The following ADGRB1 variants were observed in gnomAD, a reference collection of about 807,000 sequenced individuals.
ADGRB1 encodes the protein brain-specific angiogenesis inhibitor 1.
In ADGRB1, 36 loss-of-function variants were observed where a neutral mutation model predicts 175.7. The observed-to-expected ratio is 0.20, with a 90% CI of 0.16 to 0.27. ADGRB1 has a LOEUF of 0.27. Ranked by LOEUF, ADGRB1 falls within the 10% of genes least tolerant of loss-of-function variation. ADGRB1 has a pLI of 1.00. For missense variants in ADGRB1, 1,731 were observed against 2,255.3 expected, an observed-to-expected ratio of 0.77 and a Z score of 4.71; for synonymous variants, 1,054 against 979.4, an observed-to-expected ratio of 1.08 and a Z score of -1.42.
At position 142,521,984 on chromosome 8, in the gene ADGRB1, C is replaced by T; in HGVS notation, c.3044C>T (p.Ala1015Val). The T allele has an allele frequency of 6.3e-7, 1 of 1,599,836 alleles. No individual in the cohort carries two copies. The highest frequency in any genetic ancestry group is 8.5e-7 in the Non-Finnish European group (1 of 1,174,166). The change falls in exon 21 of 31, where the codon GCC (alanine) becomes GTC (valine). Residue 1015 changes from alanine (A) to valine (V), a missense_variant. This residue lies in a region of ADGRB1 where 301 missense variants were observed against 488.4 expected (regional missense o/e 0.62). Coordinates refer to ENST00000517894, the MANE Select transcript of ADGRB1 (RefSeq NM_001702.3). ...ACACAGGTGGTGTGCACGCTGGTGG[C>T]CGCCTTCCTGCACTTCTTCTTCCTG... is the stretch of plus-strand genomic sequence containing the variant. ...TRNKVVCTLV[A>V]AFLHFFFLSS... is the part of the protein sequence containing the mutation.
At chr8:142,521,055 G>T (rs1186702840) in intron 20 of ADGRB1, 130 bp downstream of exon 20, 20 of 853,082 alleles carry the variant, frequency 2.3e-5, no homozygotes, top group Non-Finnish European at 2.9e-5. Context: ...GGAGGAGGCT[G>T]CCCCAGCTAC....
At chr8:142,456,835 G>A (rs1026804517) in intron 1 of ADGRB1, among the ~76,000 whole-genome samples, 25 of 152,266 alleles carry the variant, frequency 1.6e-4, no homozygotes, top group African/African-American at 4.8e-4. Context: ...CTCGAGCCAG[G>A]AGACCAGCCA....
rs541419523 is a variant in ADGRB1 at position 142,464,123 on chromosome 8, C to T, written c.-76C>T. ...CCACCGGGCCGGCCCTGCCCGCCGC[C>T]GGACCCTGGCATGTCAAGACCTGGT... On this transcript the variant is annotated 5_prime_UTR_variant, in exon 2 of 31. Transcript: ENST00000517894. The T allele has an allele frequency of 8.0e-5, 96 of 1,202,906 alleles. No homozygotes were observed. In the African/African-American group the frequency reaches 1.5e-3, roughly 18 times the overall value. The allele number at this position is 1,202,906 out of a possible 1,614,324, so 74.5% of individuals were successfully genotyped here. A position where few individuals can be genotyped will look rare whatever the true frequency, so the allele number is the denominator to read the frequency against.
intron 17 of ADGRB1, among the ~76,000 whole-genome samples, chr8:142,505,876 G>C (rs1048476566): frequency 6.6e-6 from 1 of 152,212 alleles, no homozygotes; most frequent in Non-Finnish European, 1.5e-5. Flanking sequence ...TCAGATAAAG[G>C]CTGGTGGGAT....
intron 2 of ADGRB1, among the ~76,000 whole-genome samples, chr8:142,467,080 G>A (rs530609519): frequency 4.2e-4 from 64 of 152,330 alleles, no homozygotes; most frequent in African/African-American, 1.3e-3. Flanking sequence ...CATGTGACGC[G>A]TGGAGAGGCT....
intron 19 of ADGRB1, among the ~76,000 whole-genome samples, chr8:142,520,371 G>GGT (rs1843726721): frequency 7.4e-6 from 1 of 135,170 alleles, no homozygotes; most frequent in Non-Finnish European, 1.6e-5. Flanking sequence ...TGGTGGTGAT[G>GGT]GTGGTGGTGG....
chr8:142,510,889 T>A lies in ADGRB1; in HGVS notation c.2676-43T>A. On this transcript the variant is annotated intron_variant, in intron 17 of 30. Transcript: ENST00000517894. The surrounding 1 kb of genome is among the most constrained non-coding windows in gnomAD (Gnocchi z 6.3). The stretch of plus-strand genomic sequence containing the variant: ...GGGGCGCCCGCGTCCCCGCCGCCGC[T>A]GACGCTCCGCCTGTCTCCCTCCCGT... The A allele has an allele frequency of 9.8e-7, 1 of 1,023,512 alleles. No homozygotes were observed. Among genetic ancestry groups the A allele is most frequent in the Non-Finnish European group, 1.2e-6 (1 of 851,594 alleles). The allele number at this position is 1,023,512 out of a possible 1,614,324, so 63.4% of individuals were successfully genotyped here. A position where few individuals can be genotyped will look rare whatever the true frequency, so the allele number is the denominator to read the frequency against.
chr8:142,488,369 A>G lies in ADGRB1; in HGVS notation c.2314A>G (p.Ser772Gly). The G allele has an allele frequency of 6.2e-7, 1 of 1,612,972 alleles. No homozygotes were observed. The highest frequency in any genetic ancestry group is 8.5e-7 in the Non-Finnish European group (1 of 1,179,798). Residue 772 changes from serine to glycine, a missense_variant, in exon 14 of 31, where the codon AGC becomes GGC. This residue lies in a region of ADGRB1 where 388 missense variants were observed against 630.9 expected (regional missense o/e 0.61). Transcript: ENST00000517894. Reference sequence around the variant, plus strand: ...GCCTTTGACCCTGCTCCCAGTTCTCAGCATCCATAAGCTCCCAGCCAGCGG... The same window carrying G: ...GCCTTTGACCCTGCTCCCAGTTCTCGGCATCCATAAGCTCCCAGCCAGCGG... ...AYQVTDNLVL[S>G]IHKLPASGAT...
chr8:142,502,589 C>CTGATGGTTG (rs201246735), intron 17 of ADGRB1, among the ~76,000 whole-genome samples: 143,775 of 143,898 alleles, frequency 1, 71,826 homozygotes, highest in Middle Eastern at 1. Flanking sequence ...TCAGTCATCA[C>CTGATGGTTG]TGTGGTTTTG....
chr8:142,487,776 CAGGG>C (rs1841750723), intron 13 of ADGRB1, among the ~76,000 whole-genome samples: 1 of 152,216 alleles, frequency 6.6e-6, no homozygotes, highest in African/African-American at 2.4e-5. Flanking sequence ...ACCCTGAGCT[CAGGG>C]CCCTTCCGCA....
At chr8:142,531,077 A>G (rs535879872) in intron 24 of ADGRB1, among the ~76,000 whole-genome samples, 2 of 152,364 alleles carry the variant, frequency 1.3e-5, no homozygotes, top group South Asian at 4.1e-4. Context: ...GGGCAGCAGC[A>G]GGGGTGACTG....
chr8:142,517,975 A>G (rs1350278696), intron 18 of ADGRB1, among the ~76,000 whole-genome samples, 163 bp from the exon 19 acceptor site: 2 of 152,000 alleles, frequency 1.3e-5, no homozygotes, highest in Non-Finnish European at 2.9e-5. Context: ...CTGGTAGAGG[A>G]AACCCCTCGT....
chr8:142,496,291 G>C (rs1461635449), intron 17 of ADGRB1, among the ~76,000 whole-genome samples: 1 of 151,716 alleles, frequency 6.6e-6, no homozygotes, highest in East Asian at 1.9e-4. Flanking sequence ...TGTGTGGGTG[G>C]CTGGATGTGC....
chr8:142,481,077 T>C (rs1251818317), intron 9 of ADGRB1, among the ~76,000 whole-genome samples, 177 bp from the exon 10 acceptor site: 4 of 152,172 alleles, frequency 2.6e-5, no homozygotes, highest in Non-Finnish European at 4.4e-5. Flanking sequence ...GCTGGAAATG[T>C]GTTGATGAAG....
Position 142,518,177 on chromosome 8 carries a change from G to T in ADGRB1, c.2857G>T (p.Val953Leu), listed in dbSNP as rs1350614050. 6.2e-7 allele frequency: 1 copy of T among 1,613,688 alleles called. No homozygotes were observed. The highest frequency in any genetic ancestry group is 1.7e-5 in the Admixed American group (1 of 60,000). Residue 953 changes from valine (V) to leucine (L), a missense_variant, in exon 19 of 31, where the codon GTG becomes TTG. By Grantham distance (32) the Val-to-Leu change is conservative (BLOSUM62 1). Around this residue, in one of 8 missense-constraint regions of ADGRB1, gnomAD observed 301 missense variants for 488.4 expected, o/e 0.62. Coordinates refer to ENST00000517894, the MANE Select transcript of ADGRB1 (RefSeq NM_001702.3). The part of the protein sequence containing the change: ...KATLPSVTLI[V>L]GCGVSSLTLL... Reference sequence around the variant, plus strand: ...GACTCTGCCGTCGGTGACGCTCATCGTGGGCTGTGGCGTGTCCTCTCTCAC... The same window carrying T: ...GACTCTGCCGTCGGTGACGCTCATCTTGGGCTGTGGCGTGTCCTCTCTCAC...
intron 13 of ADGRB1, 149 bp downstream of exon 13, chr8:142,484,913 T>A (rs1487330102): frequency 1.5e-6 from 1 of 651,812 alleles, no homozygotes; most frequent in Non-Finnish European, 2.7e-6. Context: ...ATGGGTCCTG[T>A]TTTCAGTCTC....
chr8:142,521,827 C>A, intron 20 of ADGRB1, 138 bp from the exon 21 acceptor site: 1 of 962,352 alleles, frequency 1.0e-6, no homozygotes, highest in Non-Finnish European at 1.5e-6. Flanking sequence ...CTCTGGATTG[C>A]CTTCTGCCTG....
chr8:142,476,656 G>C lies in ADGRB1; in HGVS notation c.1018G>C (p.Asp340His), dbSNP rs1428667251. 6.5e-7 allele frequency: 1 copy of C among 1,548,032 alleles called. No homozygotes were observed. The highest frequency in any genetic ancestry group is 2.0e-5 in the Admixed American group (1 of 50,954). Residue 340 changes from aspartate (D) to histidine (H), a missense_variant, in exon 4 of 31, where the codon GAC becomes CAC. Around this residue, in one of 8 missense-constraint regions of ADGRB1, gnomAD observed 178 missense variants for 227.8 expected, o/e 0.78. Transcript: ENST00000517894. The stretch of plus-strand genomic sequence containing the variant: ...TGCCCGGCGGCGCGAGGAGCTGGGG[G>C]ACGAGCTGCAGCAGTTTGGGTTCCC... Reference protein sequence around the residue: ...TDARRREELGDELQQFGFPAP... With the variant: ...TDARRREELGHELQQFGFPAP...
intron 6 of ADGRB1, among the ~76,000 whole-genome samples, chr8:142,477,890 G>A: frequency 6.9e-6 from 1 of 145,930 alleles, no homozygotes; most frequent in African/African-American, 2.6e-5. Flanking sequence ...GGTGGCCCCA[G>A]GGTGTTCTCA....
Sources: gnomAD v4.1 joint callset for allele counts (sites outside exome capture counted in the v4.1 genomes callset) on GRCh38, gnomAD v4.1.1 for gene constraint, gnomAD v4.1.1 regional missense constraint, Gnocchi (gnomAD v3.1) non-coding constraint, MANE v1.5 for transcripts, NCBI Gene and HGNC (gene_info 2026-07-23, HGNC 2026-07-21) for gene names.